The following RAB27B variants were observed in gnomAD, a reference collection of about 807,000 sequenced individuals.
The protein encoded by RAB27B is ras-related protein Rab-27B.
Under a neutral mutation model 24.6 loss-of-function variants are expected in RAB27B, and 15 were observed. That is an observed-to-expected ratio of 0.61 (90% CI 0.41 to 0.94). The LOEUF is 0.94. Among genes scored for constraint, RAB27B ranks in the 40% least tolerant of loss-of-function variants. The probability of loss-of-function intolerance (pLI) is 0.00; values close to 1 mark genes in which losing one functional copy is unlikely to be tolerated. For synonymous variants in RAB27B, 105 were observed against 92.5 expected, an observed-to-expected ratio of 1.14 and a Z score of -0.78; for missense variants, 261 against 266.8, an observed-to-expected ratio of 0.98 and a Z score of 0.15.
At chr18:54,889,031 T>C (rs1395095972) in intron 5 of RAB27B, among the ~76,000 whole-genome samples, 193 bp from the exon 6 acceptor site, 1 of 152,130 alleles carries the variant, frequency 6.6e-6, no homozygotes, top group Non-Finnish European at 1.5e-5. Context: ...GTTGTAATCA[T>C]ACTAAAGAGC....
chr18:54,847,985 AT>A (rs1341959300), intron 1 of RAB27B, among the ~76,000 whole-genome samples: 1 of 152,248 alleles, frequency 6.6e-6, no homozygotes, highest in Non-Finnish European at 1.5e-5. Flanking sequence ...AAGAAAATTT[AT>A]GGACAGCAAA....
chr18:54,748,344 A>T (rs539666050), intron 2 of RAB27B, among the ~76,000 whole-genome samples: 14 of 152,296 alleles, frequency 9.2e-5, no homozygotes, highest in East Asian at 5.8e-4. Flanking sequence ...ACCTCACAGC[A>T]GTTCTCACTT....
At chr18:54,865,058 T>C (rs1912156471) in intron 1 of RAB27B, among the ~76,000 whole-genome samples, 1 of 152,190 alleles carries the variant, frequency 6.6e-6, no homozygotes, top group African/African-American at 2.4e-5. Context: ...ACTCAGATGA[T>C]AATAGAATAA....
chr18:54,836,639 C>T (rs1162698021), intron 1 of RAB27B, among the ~76,000 whole-genome samples: 3 of 151,900 alleles, frequency 2.0e-5, no homozygotes, highest in African/African-American at 4.9e-5. Context: ...GTTTGCATTG[C>T]AATATTTTAT....
intron 1 of RAB27B, among the ~76,000 whole-genome samples, chr18:54,855,133 G>A (rs28581755): frequency 0.039 from 5,939 of 152,240 alleles, 387 homozygotes; most frequent in African/African-American, 0.13. Flanking sequence ...CATAAGAAGC[G>A]TGCAACCCAG....
chr18:54,856,353 T>C (rs1326026001), intron 1 of RAB27B, among the ~76,000 whole-genome samples: 1 of 152,198 alleles, frequency 6.6e-6, no homozygotes, highest in East Asian at 1.9e-4. Context: ...AGAGTATTAG[T>C]AGAGAACTAG....
At chr18:54,809,901 A>G (rs1909908953) in intron 2 of RAB27B, among the ~76,000 whole-genome samples, 1 of 152,212 alleles carries the variant, frequency 6.6e-6, no homozygotes. Context: ...GATATTTTGA[A>G]TTGTGCTGAC....
intron 1 of RAB27B, among the ~76,000 whole-genome samples, chr18:54,851,422 C>T (rs1288154575): frequency 6.6e-6 from 1 of 152,174 alleles, no homozygotes; most frequent in South Asian, 2.1e-4. Flanking sequence ...CAAAATCTAT[C>T]TTATGCATAT....
chr18:54,778,610 T>C (rs1295922601), intron 2 of RAB27B, among the ~76,000 whole-genome samples: 2 of 152,200 alleles, frequency 1.3e-5, no homozygotes, highest in Admixed American at 6.5e-5. Context: ...GTATAGCATT[T>C]AGTAAATGCT....
At chr18:54,854,882 C>T (rs990787145) in intron 1 of RAB27B, among the ~76,000 whole-genome samples, 5 of 152,124 alleles carry the variant, frequency 3.3e-5, no homozygotes, top group East Asian at 1.9e-4. Flanking sequence ...ACACCAGGGA[C>T]GGGTTTCATG....
chr18:54,723,429 T>C (rs975290191), intron 2 of RAB27B, among the ~76,000 whole-genome samples: 5 of 152,218 alleles, frequency 3.3e-5, no homozygotes, highest in African/African-American at 1.2e-4. Flanking sequence ...TCAACTATTA[T>C]GCTTGGAACA....
chr18:54,778,055 T>C (rs949243177), intron 2 of RAB27B, among the ~76,000 whole-genome samples: 1 of 152,230 alleles, frequency 6.6e-6, no homozygotes, highest in Non-Finnish European at 1.5e-5. Context: ...TTCATAATTA[T>C]ACATGTATGT....
intron 2 of RAB27B, among the ~76,000 whole-genome samples, chr18:54,749,307 TTTCTA>T: frequency 6.6e-6 from 1 of 152,300 alleles, no homozygotes; most frequent in Non-Finnish European, 1.5e-5. Context: ...CTTAGGCTTA[TTTCTA>T]TGGCCTTTCC....
chr18:54,830,493 C>T (rs767333930), intron 1 of RAB27B, among the ~76,000 whole-genome samples: 4 of 152,062 alleles, frequency 2.6e-5, no homozygotes, highest in Non-Finnish European at 4.4e-5. Flanking sequence ...AGCTCTTAAG[C>T]AAGTAATTGT....
chr18:54,832,704 G>A (rs551685247), intron 1 of RAB27B, among the ~76,000 whole-genome samples: 19 of 152,218 alleles, frequency 1.2e-4, no homozygotes, highest in African/African-American at 4.3e-4. Context: ...AAGGCAAACC[G>A]GAAGAGAGTG....
At chr18:54,804,978 T>G (rs1282880413) in intron 2 of RAB27B, among the ~76,000 whole-genome samples, 11 of 70,454 alleles carry the variant, frequency 1.6e-4, no homozygotes, top group East Asian at 3.0e-4. Flanking sequence ...CTTCCTGCCT[T>G]CCTTCCTTTT....
intron 1 of RAB27B, among the ~76,000 whole-genome samples, chr18:54,845,868 T>C (rs1047397115): frequency 1.3e-5 from 2 of 152,226 alleles, no homozygotes; most frequent in East Asian, 1.9e-4. Flanking sequence ...TAACATTTAT[T>C]TGTGACCCCA....
chr18:54,814,181 C>T (rs1034213874), intron 2 of RAB27B, among the ~76,000 whole-genome samples: 14 of 152,160 alleles, frequency 9.2e-5, no homozygotes, highest in African/African-American at 3.4e-4. Context: ...CAAACTCTCT[C>T]TGTAAAGGGC....
chr18:54,793,130 A>C (rs1460829680), intron 2 of RAB27B, among the ~76,000 whole-genome samples: 1 of 151,688 alleles, frequency 6.6e-6, no homozygotes, highest in African/African-American at 2.4e-5. Context: ...CAGCAACATA[A>C]TGGCTAACTT....
Sources: gnomAD v4.1 joint callset for allele counts (sites outside exome capture counted in the v4.1 genomes callset) on GRCh38, gnomAD v4.1.1 for gene constraint, MANE v1.5 for transcripts, NCBI Gene and HGNC (gene_info 2026-07-23, HGNC 2026-07-21) for gene names.